Variants in CSMD1 observed in about 807,000 individuals in gnomAD.
The protein encoded by CSMD1 is CUB and sushi domain-containing protein 1.
A neutral mutation model predicts 417.5 loss-of-function variants in CSMD1; 213 were observed. That is an observed-to-expected ratio of 0.51 (90% CI 0.46 to 0.57). The LOEUF is 0.57. CSMD1 is among the 20% of genes least tolerant of loss of function. CSMD1 has a pLI of 0.00. For synonymous variants in CSMD1, 2,862 were observed against 1,736.8 expected (o/e 1.65, Z -16.11); for missense variants, 6,923 against 4,529.7 (o/e 1.53, Z -15.17).
At chr8:3,277,077 C>A (rs1488196912) in intron 26 of CSMD1, among the ~76,000 whole-genome samples, 4 of 152,048 alleles carry the variant, frequency 2.6e-5, no homozygotes, top group African/African-American at 9.7e-5. Flanking sequence ...GAAGGTCAGT[C>A]CAGTGTGTAA....
intron 18 of CSMD1, among the ~76,000 whole-genome samples, chr8:3,380,721 C>G (rs1262640038): frequency 6.6e-6 from 1 of 152,002 alleles, no homozygotes; most frequent in Non-Finnish European, 1.5e-5. Flanking sequence ...GGGGAAACAT[C>G]ACACACTGGG....
At chr8:4,358,981 C>T (rs1801596814) in intron 3 of CSMD1, among the ~76,000 whole-genome samples, 1 of 151,972 alleles carries the variant, frequency 6.6e-6, no homozygotes, top group East Asian at 1.9e-4. Context: ...CACACACACA[C>T]ACATTTAAGT....
intron 47 of CSMD1, among the ~76,000 whole-genome samples, chr8:3,092,147 T>C (rs1814988903): frequency 6.6e-6 from 1 of 152,142 alleles, no homozygotes; most frequent in African/African-American, 2.4e-5. Flanking sequence ...AACATGTGTA[T>C]TCTAACACTA....
At chr8:4,654,684 G>C (rs1804119318) in intron 1 of CSMD1, among the ~76,000 whole-genome samples, 2 of 152,116 alleles carry the variant, frequency 1.3e-5, no homozygotes, top group African/African-American at 2.4e-5. Flanking sequence ...GTGCTTTCCA[G>C]TGGTCTCACA....
rs112046486 is a variant in CSMD1 at position 3,944,122 on chromosome 8, T to C, written c.818+53781A>G. ...AAGCAAATGTGATAAAATATTAATA[T>C]TTGGGGAATCTTAGTGAAGGCTACA... is the stretch of plus-strand genomic sequence containing the variant. On this transcript the variant is annotated intron_variant, in intron 5 of 69. Coordinates refer to ENST00000635120, the MANE Select transcript of CSMD1 (RefSeq NM_033225.6). 5.1e-3 allele frequency among the ~76,000 whole-genome samples: 779 copies of C among 152,258 alleles called. 10 individuals carry two copies. Among genetic ancestry groups the C allele is most frequent in the African/African-American group, 0.018 (740 of 41,558 alleles).
At chr8:4,551,124 G>A (rs967822229) in intron 2 of CSMD1, among the ~76,000 whole-genome samples, 1 of 152,170 alleles carries the variant, frequency 6.6e-6, no homozygotes, top group Non-Finnish European at 1.5e-5. Context: ...AAGAGACACT[G>A]ACCTGGGTCT....
At chr8:3,419,201 G>C (rs759516792) in intron 12 of CSMD1, among the ~76,000 whole-genome samples, 8 of 152,132 alleles carry the variant, frequency 5.3e-5, no homozygotes, top group African/African-American at 1.9e-4. Context: ...ACACATTTCT[G>C]AGCACCTAAG....
intron 42 of CSMD1, chr8:3,113,380 G>A (rs1418175997): frequency 2.0e-5 from 3 of 152,278 alleles, no homozygotes; most frequent in Non-Finnish European, 4.4e-5. Flanking sequence ...ATGTTCACGT[G>A]GGAGAGAGCG....
intron 1 of CSMD1, among the ~76,000 whole-genome samples, chr8:4,844,884 C>T (rs1433937036): frequency 6.6e-6 from 1 of 152,090 alleles, no homozygotes; most frequent in Non-Finnish European, 1.5e-5. Flanking sequence ...CTTAACAGTA[C>T]CCCCACAGTA....
intron 3 of CSMD1, among the ~76,000 whole-genome samples, chr8:4,298,363 T>C (rs895595423): frequency 2.0e-5 from 3 of 152,164 alleles, no homozygotes; most frequent in East Asian, 1.9e-4. Context: ...TTTACTGTAA[T>C]AGTTTTTATT....
At chr8:4,903,874 G>A (rs1805062043) in intron 1 of CSMD1, among the ~76,000 whole-genome samples, 1 of 152,156 alleles carries the variant, frequency 6.6e-6, no homozygotes, top group African/African-American at 2.4e-5. Context: ...CAGCTGCATG[G>A]ATGCCTTCAA....
chr8:3,877,735 G>A (rs544029870), intron 5 of CSMD1, among the ~76,000 whole-genome samples: 2 of 152,076 alleles, frequency 1.3e-5, no homozygotes, highest in Non-Finnish European at 2.9e-5. Flanking sequence ...TAGCAAGTTT[G>A]ACCGTTAATA....
chr8:4,437,158 C>G (rs1798194946), intron 2 of CSMD1, among the ~76,000 whole-genome samples: 2 of 152,132 alleles, frequency 1.3e-5, no homozygotes, highest in Non-Finnish European at 2.9e-5. Flanking sequence ...ATGGCAAATC[C>G]AATCCAACAA....
chr8:3,933,535 A>G (rs1810293169), intron 5 of CSMD1, among the ~76,000 whole-genome samples: 1 of 152,174 alleles, frequency 6.6e-6, no homozygotes, highest in Admixed American at 6.6e-5. Context: ...GCCTTTGAGA[A>G]GAAAGAGATG....
In CSMD1 at chr8:3,160,195, C is replaced by A. The variant is rs531436331; in HGVS notation, c.5844+1964G>T. ...CTGGAGTGCAGTGGTGCAATCTCGG[C>A]TCACTGCAACCTCCGCCTCCTGTTT... On this transcript the variant is annotated intron_variant, in intron 38 of 69. Transcript: ENST00000635120. 2.0e-5 allele frequency among the ~76,000 whole-genome samples: 3 copies of A among 152,248 alleles called. No homozygotes were observed. In the South Asian group the frequency reaches 6.2e-4, roughly 32 times the overall value.
intron 1 of CSMD1, among the ~76,000 whole-genome samples, chr8:4,900,819 G>C (rs1308733083): frequency 1.3e-5 from 2 of 152,296 alleles, no homozygotes; most frequent in Non-Finnish European, 1.5e-5. Context: ...TATGACACAT[G>C]AATTCTCACG....
At chr8:4,489,549 G>A (rs1009494346) in intron 2 of CSMD1, among the ~76,000 whole-genome samples, 6 of 152,208 alleles carry the variant, frequency 3.9e-5, no homozygotes, top group Non-Finnish European at 7.3e-5. Context: ...GTGGCAGACA[G>A]GCTATGAAGG....
chr8:4,101,461 A>G (rs557379662), intron 3 of CSMD1, among the ~76,000 whole-genome samples: 1 of 152,308 alleles, frequency 6.6e-6, no homozygotes, highest in African/African-American at 2.4e-5. Flanking sequence ...GACACTGTCA[A>G]AACAAAAGGT....
chr8:4,042,856 G>A lies in CSMD1; in HGVS notation c.416-10757C>T, dbSNP rs112662624. Among the ~76,000 whole-genome samples the A allele has an allele frequency of 9.3e-3, 1,047 of 112,544 alleles. 60 individuals carry two copies. Among genetic ancestry groups the A allele is most frequent in the African/African-American group, 0.034 (968 of 28,158 alleles). 73.8% of individuals were successfully genotyped at this position (112,544 alleles called of 152,430 possible). A position where few individuals can be genotyped will look rare whatever the true frequency, so the allele number is the denominator to read the frequency against. ...AAAAAAAAAAAAGCAGGCTGGGCAC[G>A]GTGGCTCATGCCTATAATCCCAGTA... On this transcript the variant is annotated intron_variant, in intron 3 of 69. Transcript: ENST00000635120.
Sources: allele counts gnomAD v4.1 joint callset (sites outside exome capture counted in the v4.1 genomes callset), GRCh38; gene constraint gnomAD v4.1.1; transcripts MANE v1.5; gene names NCBI Gene and HGNC (gene_info 2026-07-23, HGNC 2026-07-21).